C17orf75: variants seen among roughly 807,000 people sequenced by gnomAD.
C17orf75 encodes protein Njmu-R1.
Under a neutral mutation model 49.6 loss-of-function variants are expected in C17orf75, and 32 were observed. The ratio of observed to expected loss-of-function variants is 0.65; its 90% CI spans 0.49 to 0.87. The LOEUF (loss-of-function observed/expected upper bound fraction) is 0.87. Among genes scored for constraint, C17orf75 ranks in the 40% least tolerant of loss-of-function variants. C17orf75 has a pLI of 0.00. For synonymous variants in C17orf75, 158 were observed against 159.5 expected (o/e 0.99, Z 0.07); for missense variants, 428 against 473.9 (o/e 0.90, Z 0.90).
At chr17:32,347,329 A>G (rs982270039) in intron 1 of C17orf75, among the ~76,000 whole-genome samples, 1 of 149,822 alleles carries the variant, frequency 6.7e-6, no homozygotes. Context: ...CACAGGCTGG[A>G]GTGCAATGGC....
chr17:32,333,486 A>G lies in C17orf75; in HGVS notation c.906T>C (p.Ala302=), dbSNP rs1305145942. 6.2e-7 allele frequency: 1 copy of G among 1,613,658 alleles called. No homozygotes were observed. The highest frequency in any genetic ancestry group is 8.5e-7 in the Non-Finnish European group (1 of 1,179,788). The change falls in exon 9 of 10, where the codon GCT becomes GCC. Residue 302 remains alanine (A), a synonymous_variant. Coordinates refer to ENST00000577809, the MANE Select transcript of C17orf75 (RefSeq NM_022344.4). ...SNRFCEDWMQ[A]FLNGAKGGNP... ...TACCTCCTTTGGCACCATTTAAAAA[A>G]GCTTGCATCCAATCCTCACAAAACC...
At chr17:32,348,867 C>CTT (rs561014138) in intron 1 of C17orf75, among the ~76,000 whole-genome samples, 1,219 of 108,842 alleles carry the variant, frequency 0.011, 72 homozygotes, top group Admixed American at 0.047. Flanking sequence ...CAGCTCCAGT[C>CTT]TTTTTTTTTT....
chr17:32,334,729 A>G (rs1007919069), intron 7 of C17orf75, 46 bp downstream of exon 7: 3 of 1,568,782 alleles, frequency 1.9e-6, no homozygotes, highest in African/African-American at 1.4e-5. Context: ...ACAGATGTCA[A>G]TCTTGCTGTG....
chr17:32,344,846 G>T (rs1296772827), upstream of C17orf75, among the ~76,000 whole-genome samples: 1 of 151,092 alleles, frequency 6.6e-6, no homozygotes, highest in East Asian at 2.0e-4. Flanking sequence ...GGCAGAGGTT[G>T]CAGTGAGCCG....
chr17:32,340,133 C>T (rs1382450586), intron 2 of C17orf75, among the ~76,000 whole-genome samples, 195 bp from the exon 3 acceptor site: 1 of 152,112 alleles, frequency 6.6e-6, no homozygotes, highest in Non-Finnish European at 1.5e-5. Flanking sequence ...TTAAAATATT[C>T]CTATCTTTCC....
At chr17:32,336,597 A>G (rs1392812636) in intron 5 of C17orf75, among the ~76,000 whole-genome samples, 4 of 152,186 alleles carry the variant, frequency 2.6e-5, no homozygotes, top group Non-Finnish European at 2.9e-5. Context: ...GTTTTTAAGA[A>G]TCTTTGATGT....
chr17:32,342,020 A>G lies in C17orf75; in HGVS notation c.120T>C (p.Leu40=), dbSNP rs1197067626. 2 of 1,529,102 alleles carry G rather than the reference A, an allele frequency of 1.3e-6. No individual in the cohort carries two copies. Among genetic ancestry groups the G allele is most frequent in the Non-Finnish European group, 1.8e-6 (2 of 1,139,022 alleles). The allele number at this position is 1,529,102 out of a possible 1,614,324, so 94.7% of individuals were successfully genotyped here. The change falls in exon 1 of 10, where the codon CTT becomes CTC. Residue 40 remains leucine, a synonymous_variant. Transcript: ENST00000577809. The part of the protein sequence containing the change: ...LEPPSSSHYC[L]YSYRGSRLAQ... The stretch of plus-strand genomic sequence containing the variant: ...AGCACCTGCTTCCGCGATAGCTGTA[A>G]AGACAGTAGTGGCTGCTGGACGGCG...
Position 32,339,927 on chromosome 17 carries a change from G to T in C17orf75, c.233C>A (p.Ala78Glu), listed in dbSNP as rs1265612659. 1 of 1,613,886 alleles carries T rather than the reference G, an allele frequency of 6.2e-7. No homozygotes were observed. The highest frequency in any genetic ancestry group is 8.5e-7 in the Non-Finnish European group (1 of 1,179,838). Residue 78 changes from alanine to glutamate, a missense_variant, in exon 3 of 10, where the codon GCA (alanine) becomes GAA (glutamate). By Grantham distance (107) the Ala-to-Glu change is moderately radical (BLOSUM62 -1). Coordinates refer to ENST00000577809, the MANE Select transcript of C17orf75 (RefSeq NM_022344.4). ...CACTTCGGATGGTAGATTAGTATCT[G>T]CCAAGGAGAGGCTTGACAAATGAAA... ...PSGDDFSLSL[A>E]DTNLPSEVEP...
Position 32,330,281 on chromosome 17 carries a change from G to A in C17orf75, c.*1482C>T, listed in dbSNP as rs1290495419. On this transcript the variant is annotated 3_prime_UTR_variant, in exon 10 of 10. Transcript: ENST00000577809. ...TATTTCTCATTAAAAGAAAAGAAAT[G>A]TGAGTCATGTCCCGAGGCTTATGTA... is the stretch of plus-strand genomic sequence containing the variant. 6.6e-6 allele frequency: 1 copy of A among 152,190 alleles called. No individual in the cohort carries two copies. The highest frequency in any genetic ancestry group is 1.5e-5 in the Non-Finnish European group (1 of 68,044). The allele number at this position is 152,190 out of a possible 1,614,324, so 9.4% of individuals were successfully genotyped here.
At chr17:32,335,579 A>T (rs2041316825) in intron 5 of C17orf75, 137 bp from the exon 6 acceptor site, 4 of 1,061,044 alleles carry the variant, frequency 3.8e-6, no homozygotes, top group Non-Finnish European at 5.3e-6. Context: ...CCACCAATTC[A>T]AAAAAAGAAA....
chr17:32,349,411 A>G (rs533902925), intron 1 of C17orf75, among the ~76,000 whole-genome samples: 27 of 151,862 alleles, frequency 1.8e-4, no homozygotes, highest in Admixed American at 5.2e-4. Context: ...GTGAAACCCC[A>G]TTCTACTAAA....
In C17orf75 at chr17:32,339,835, T is replaced by C. The variant is rs2041361847; in HGVS notation, c.325A>G (p.Asn109Asp). 6.2e-7 allele frequency: 1 copy of C among 1,613,984 alleles called. No homozygotes were observed. Among genetic ancestry groups the C allele is most frequent in the Non-Finnish European group, 8.5e-7 (1 of 1,179,870 alleles). ...SRGAVFEGLG[N>D]VASVELKIPG... ...TACTTTAGCTCCACAGATGCAACATTACCCAGCCCTTCAAAGACTGCACCT... is the reference window on the plus strand; with the variant it reads ...TACTTTAGCTCCACAGATGCAACATCACCCAGCCCTTCAAAGACTGCACCT... The change falls in exon 3 of 10, where the codon AAT (asparagine) becomes GAT (aspartate). Residue 109 changes from asparagine to aspartate, a missense_variant. Transcript: ENST00000577809.
intron 7 of C17orf75, 73 bp from the exon 8 acceptor site, chr17:32,334,678 C>G: frequency 6.3e-7 from 1 of 1,583,572 alleles, no homozygotes; most frequent in Admixed American, 1.8e-5. Flanking sequence ...TTATTTTGCA[C>G]TGGGCTGGTG....
Position 32,331,772 on chromosome 17 carries a change from T to G in C17orf75, c.1182A>C (p.Gln394His). 2 of 1,612,400 alleles carry G rather than the reference T, an allele frequency of 1.2e-6. No homozygotes were observed. Among genetic ancestry groups the G allele is most frequent in the Non-Finnish European group, 1.7e-6 (2 of 1,178,586 alleles). ...ATCTCAAAACATATGATCAAAAACT[T>G]TGGTCAAGAGCTTCTTTCATGAATT... ...LEEFMKEALD[Q>H]SF The change falls in exon 10 of 10, where the codon CAA (glutamine) becomes CAC (histidine). Residue 394 changes from glutamine (Q) to histidine (H), a missense_variant. Coordinates refer to ENST00000577809, the MANE Select transcript of C17orf75 (RefSeq NM_022344.4).
rs750423786 is a variant in C17orf75, at chr17:32,334,609, C to CCA, written c.735-6_735-5dup. The CCA allele has an allele frequency of 2.4e-5, 39 of 1,610,742 alleles. No individual in the cohort carries two copies. The highest frequency in any genetic ancestry group is 3.0e-5 in the Non-Finnish European group (35 of 1,179,136). ...AAGACTGGCCACACTCAGAAACCTG[C>CCA]CACACACACAAGTCCATTTCCACAA... On this transcript the variant is annotated splice_polypyrimidine_tract_variant and splice_region_variant and intron_variant, in intron 7 of 9. Coordinates refer to ENST00000577809, the MANE Select transcript of C17orf75 (RefSeq NM_022344.4).
chr17:32,341,824 G>A, intron 1 of C17orf75, 176 bp downstream of exon 1: 1 of 1,067,206 alleles, frequency 9.4e-7, no homozygotes, highest in Non-Finnish European at 1.1e-6. Context: ...GGGCCAGGAA[G>A]AGCAGCGGGA....
rs531496141 is a variant in C17orf75, at chr17:32,333,598, T to G, written c.872-78A>C. ...TTATTTATTTATTTGAGACGGGAGA[T>G]TCGCTCTTGTTGCCCGGCTGGAGTG... On this transcript the variant is annotated intron_variant, in intron 8 of 9. Transcript: ENST00000577809. 8 of 1,297,866 alleles carry G rather than the reference T, an allele frequency of 6.2e-6. No homozygotes were observed. In the East Asian group the frequency reaches 1.9e-4, roughly 31 times the overall value. 80.4% of individuals were successfully genotyped at this position (1,297,866 alleles called of 1,614,324 possible).
rs190434891 is a variant in C17orf75, at chr17:32,334,503, A to G, written c.837T>C (p.Asp279=). Residue 279 remains aspartate (D), a synonymous_variant, in exon 8 of 10, where the codon GAT becomes GAC. Coordinates refer to ENST00000577809, the MANE Select transcript of C17orf75 (RefSeq NM_022344.4). The part of the protein sequence containing the change: ...TEEQHKSVVI[D]CSSSQPQFCN... ...AGAACTGAGGCTGGGAGCTGCTGCA[A>G]TCGATGACCACAGACTTATGCTGCT... 16 of 1,612,454 alleles carry G rather than the reference A, an allele frequency of 9.9e-6. No individual in the cohort carries two copies. Among genetic ancestry groups the G allele is most frequent in the East Asian group, 4.5e-5 (2 of 44,868 alleles).
upstream of C17orf75, chr17:32,342,192 C>G: frequency 6.8e-7 from 1 of 1,465,682 alleles, no homozygotes; most frequent in East Asian, 2.8e-5. Flanking sequence ...CCCCTGCTCC[C>G]GTGCAGCCGT....
Sources: gnomAD v4.1 joint callset for allele counts (sites outside exome capture counted in the v4.1 genomes callset) on GRCh38, gnomAD v4.1.1 for gene constraint, MANE v1.5 for transcripts, NCBI Gene and HGNC (gene_info 2026-07-23, HGNC 2026-07-21) for gene names.